Variants in MB observed in about 807,000 individuals in gnomAD.
The protein encoded by MB is nitrite reductase MB.
A neutral mutation model predicts 14.5 loss-of-function variants in MB; 10 were observed. That is an observed-to-expected ratio of 0.69 (90% CI 0.43 to 1.17). The LOEUF (loss-of-function observed/expected upper bound fraction) is 1.17. Among genes scored for constraint, MB ranks in the 50% most tolerant of loss-of-function variants. The pLI, the probability that MB is intolerant of heterozygous loss-of-function variation, is 0.00. For missense variants in MB, 169 were observed against 192.7 expected, an observed-to-expected ratio of 0.88 and a Z score of 0.73; for synonymous variants, 89 against 78.6, an observed-to-expected ratio of 1.13 and a Z score of -0.70.
intron 1 of MB, 55 bp downstream of exon 1, chr22:35,617,108 A>G: frequency 7.1e-7 from 1 of 1,414,840 alleles, no homozygotes; most frequent in African/African-American, 1.4e-5. Flanking sequence ...TTGCAGCTGA[A>G]CACCCTTGAT....
rs1922363236 is a variant in MB, at chr22:35,608,918, GAGACTGTCTTAT to G, written c.319-1487_319-1476del. On this transcript the variant is annotated intron_variant, in intron 2 of 2. Coordinates refer to ENST00000397326, the MANE Select transcript of MB (RefSeq NM_005368.3). The surrounding 1 kb of genome is among the most constrained non-coding windows in gnomAD (Gnocchi z 4.3). Reference sequence around the variant, plus strand: ...AGACAATCTGTCCACAGGTGAGGTGGAGACTGTCTTATGAACAGCGCAGAGCGAAGGTCCACC... The same window carrying G: ...AGACAATCTGTCCACAGGTGAGGTGGGAACAGCGCAGAGCGAAGGTCCACC... Among the ~76,000 whole-genome samples the G allele has an allele frequency of 6.6e-6, 1 of 152,202 alleles. No individual in the cohort carries two copies. Among genetic ancestry groups the G allele is most frequent in the South Asian group, 2.1e-4 (1 of 4,826 alleles).
upstream of MB, chr22:35,617,478 C>T (rs1923167679): frequency 1.8e-6 from 1 of 566,354 alleles, no homozygotes; most frequent in African/African-American, 1.9e-5. Context: ...CTAGCCCTCA[C>T]ATGGGAAGCT....
Position 35,617,227 on chromosome 22 carries a change from C to G in MB, c.31G>C (p.Val11Leu). 1 of 1,614,198 alleles carries G rather than the reference C, an allele frequency of 6.2e-7. No homozygotes were observed. The highest frequency in any genetic ancestry group is 1.6e-4 in the Middle Eastern group (1 of 6,062). MGLSDGEWQL[V>L]LNVWGKVEAD... ...TCCACCTTCCCCCAGACGTTCAGCACCAACTGCCATTCCCCGTCGCTGAGC... is the reference window on the plus strand; with the variant it reads ...TCCACCTTCCCCCAGACGTTCAGCAGCAACTGCCATTCCCCGTCGCTGAGC... Residue 11 changes from valine (V) to leucine (L), a missense_variant, in exon 1 of 3, where the codon GTG becomes CTG. Transcript: ENST00000397326.
intron 1 of MB, among the ~76,000 whole-genome samples, chr22:35,614,030 G>A (rs779578128): frequency 6.6e-6 from 1 of 152,200 alleles, no homozygotes; most frequent in Non-Finnish European, 1.5e-5. Context: ...ATTTCAGAAA[G>A]CCCCGCTGGC....
At chr22:35,614,488 CAAA>C in intron 1 of MB, among the ~76,000 whole-genome samples, 2 of 141,250 alleles carry the variant, frequency 1.4e-5, no homozygotes, top group Admixed American at 7.0e-5. Flanking sequence ...GACTCCATCT[CAAA>C]AAAAAAAAAA....
intron 1 of MB, among the ~76,000 whole-genome samples, chr22:35,612,183 G>T (rs940742255): frequency 2.6e-5 from 4 of 152,146 alleles, no homozygotes; most frequent in Non-Finnish European, 4.4e-5. Flanking sequence ...TCCTTGAAAA[G>T]CTCCTCTTTT....
In MB at chr22:35,608,720, A is replaced by ATG. The variant is rs148618081; in HGVS notation, c.319-1279_319-1278dup. 5.7e-4 allele frequency among the ~76,000 whole-genome samples: 87 copies of ATG among 152,304 alleles called. No individual in the cohort carries two copies. Among genetic ancestry groups the ATG allele is most frequent in the African/African-American group, 1.9e-3 (80 of 41,572 alleles). On this transcript the variant is annotated intron_variant, in intron 2 of 2. Coordinates refer to ENST00000397326, the MANE Select transcript of MB (RefSeq NM_005368.3). The surrounding 1 kb of genome is among the most constrained non-coding windows in gnomAD (Gnocchi z 4.3). The stretch of plus-strand genomic sequence containing the variant: ...CCAGGGCCACCTATGCCCCGACTCC[A>ATG]TGTGTGACTTCACCCACCCAGATGG...
intron 1 of MB, chr22:35,622,697 G>A (rs1472374138): frequency 6.6e-6 from 1 of 152,452 alleles, no homozygotes; most frequent in East Asian, 1.9e-4. Context: ...AACAGGTGTG[G>A]CCTGGGACAC....
intron 2 of MB, among the ~76,000 whole-genome samples, chr22:35,609,915 G>C (rs1922469129): frequency 6.6e-6 from 1 of 152,204 alleles, no homozygotes; most frequent in South Asian, 2.1e-4. Flanking sequence ...CCTCAAAAGA[G>C]AGCATTCCTC....
At chr22:35,609,487 C>T (rs1286169511) in intron 2 of MB, among the ~76,000 whole-genome samples, 4 of 152,026 alleles carry the variant, frequency 2.6e-5, no homozygotes, top group African/African-American at 7.2e-5. Flanking sequence ...CAGGACTCTG[C>T]GCAATTGTGG....
chr22:35,616,038 G>GGAC, intron 1 of MB, among the ~76,000 whole-genome samples: 1 of 152,198 alleles, frequency 6.6e-6, no homozygotes, highest in Non-Finnish European at 1.5e-5. Context: ...GAGACCCAAA[G>GGAC]GACGACGGAG....
At chr22:35,607,566 AC>A in intron 2 of MB, 123 bp from the exon 3 acceptor site, 1 of 874,468 alleles carries the variant, frequency 1.1e-6, no homozygotes, top group Non-Finnish European at 1.8e-6. Context: ...CTTGCTAGGC[AC>A]CAGGTGAGAG....
chr22:35,619,080 C>A (rs1337496252), upstream of MB, among the ~76,000 whole-genome samples: 1 of 152,250 alleles, frequency 6.6e-6, no homozygotes, highest in Admixed American at 6.5e-5. Context: ...ATCCATCCAT[C>A]CCTCTCACAG....
intron 1 of MB, among the ~76,000 whole-genome samples, chr22:35,612,564 C>T (rs937467926): frequency 9.2e-5 from 14 of 152,222 alleles, no homozygotes; most frequent in Admixed American, 5.9e-4. Context: ...CCTTGTGATC[C>T]GCCTGCCTCA....
intron 2 of MB, among the ~76,000 whole-genome samples, chr22:35,609,134 A>G (rs775233250): frequency 1.3e-5 from 2 of 152,210 alleles, no homozygotes; most frequent in Non-Finnish European, 1.5e-5. Flanking sequence ...GAACTCAGTC[A>G]TTGGAAGTGT....
At chr22:35,621,034 C>A (rs1923429761), upstream of MB, among the ~76,000 whole-genome samples, 1 of 152,230 alleles carries the variant, frequency 6.6e-6, no homozygotes, top group Non-Finnish European at 1.5e-5. Context: ...ATCTCTACAA[C>A]AGAGCAGCGT....
chr22:35,618,934 CTCCATCCA>C (rs1475748602), upstream of MB, among the ~76,000 whole-genome samples: 5 of 147,650 alleles, frequency 3.4e-5, no homozygotes, highest in African/African-American at 1.2e-4. Context: ...TCCTCCATCC[CTCCATCCA>C]TCCATCCACC....
At chr22:35,622,673 C>T (rs117912994) in intron 1 of MB, 1,636 of 152,536 alleles carry the variant, frequency 0.011, 16 homozygotes, top group Non-Finnish European at 0.016. Context: ...ACACAACATC[C>T]TAATCCCTTA....
chr22:35,617,249 G>A lies in MB; in HGVS notation c.9C>T (p.Leu3=). The A allele has an allele frequency of 6.2e-7, 1 of 1,613,968 alleles. No individual in the cohort carries two copies. The highest frequency in any genetic ancestry group is 8.5e-7 in the Non-Finnish European group (1 of 1,179,864). ...GCACCAACTGCCATTCCCCGTCGCT[G>A]AGCCCCATGGCGCAGTCTGAAGAAG... The part of the protein sequence containing the change: MG[L]SDGEWQLVLN... The change falls in exon 1 of 3, where the codon CTC becomes CTT. Residue 3 remains leucine (L), a synonymous_variant. Coordinates refer to ENST00000397326, the MANE Select transcript of MB (RefSeq NM_005368.3).
Sources: gnomAD v4.1 joint callset for allele counts (sites outside exome capture counted in the v4.1 genomes callset) on GRCh38, gnomAD v4.1.1 for gene constraint, Gnocchi (gnomAD v3.1) non-coding constraint, MANE v1.5 for transcripts, NCBI Gene and HGNC (gene_info 2026-07-23, HGNC 2026-07-21) for gene names.